The following ATL2 variants were observed in gnomAD, a reference collection of about 807,000 sequenced individuals.
The protein encoded by ATL2 is atlastin GTPase 2, also known as atlastin-2.
A neutral mutation model predicts 73.9 loss-of-function variants in ATL2; 31 were observed. That is an observed-to-expected ratio of 0.42 (90% confidence interval 0.32 to 0.57). ATL2 has a LOEUF of 0.57. ATL2 is among the 20% of genes least tolerant of loss of function. The probability of loss-of-function intolerance (pLI) is 0.14; values close to 1 mark genes in which losing one functional copy is unlikely to be tolerated. For missense variants in ATL2, 738 were observed against 702.6 expected (o/e 1.05, Z -0.57); for synonymous variants, 291 against 237.5 (o/e 1.23, Z -2.07).
intron 2 of ATL2, among the ~76,000 whole-genome samples, chr2:38,332,597 C>G (rs552241735): frequency 1.3e-5 from 2 of 152,134 alleles, no homozygotes; most frequent in South Asian, 4.1e-4. Flanking sequence ...AAGTGAATGA[C>G]TTATATGGTA....
chr2:38,301,509 C>T (rs1667190009), intron 9 of ATL2, among the ~76,000 whole-genome samples: 1 of 152,232 alleles, frequency 6.6e-6, no homozygotes, highest in South Asian at 2.1e-4. Flanking sequence ...GAATCACCTA[C>T]ACCACCCCTC....
intron 2 of ATL2, among the ~76,000 whole-genome samples, chr2:38,332,198 T>C (rs1203721429): frequency 6.6e-6 from 1 of 152,040 alleles, no homozygotes; most frequent in Non-Finnish European, 1.5e-5. Context: ...GGGATTCATT[T>C]TGAGATGATG....
intron 9 of ATL2, among the ~76,000 whole-genome samples, chr2:38,306,544 G>A (rs1667457304): frequency 6.6e-6 from 1 of 152,162 alleles, no homozygotes; most frequent in South Asian, 2.1e-4. Flanking sequence ...TCATCACCTA[G>A]GGTCAGGCAG....
At chr2:38,367,722 T>G (rs1309298180) in intron 1 of ATL2, among the ~76,000 whole-genome samples, 1 of 139,834 alleles carries the variant, frequency 7.2e-6, no homozygotes, top group Non-Finnish European at 1.5e-5. Context: ...CACCTCCGCC[T>G]CCAGGGTTCA....
rs1457758101 is a variant in ATL2 at position 38,294,056 on chromosome 2, G to A, written c.*1938C>T. ...AACAGTCCACAGCATTCATAAAACA[G>A]GGTGGCAGAAGAAATAAAAAGACAC... is the stretch of plus-strand genomic sequence containing the variant. On this transcript the variant is annotated 3_prime_UTR_variant, in exon 13 of 13. Coordinates refer to ENST00000378954, the MANE Select transcript of ATL2 (RefSeq NM_001135673.4). 6.6e-6 allele frequency among the ~76,000 whole-genome samples: 1 copy of A among 152,144 alleles called. No homozygotes were observed. The highest frequency in any genetic ancestry group is 1.5e-5 in the Non-Finnish European group (1 of 68,010).
chr2:38,375,981 T>C lies in ATL2; in HGVS notation c.118+1162A>G, dbSNP rs914781888. 2.7e-6 allele frequency: 3 copies of C among 1,101,686 alleles called. No homozygotes were observed. The Admixed American group carries it at 9.9e-5, about 36-fold the overall frequency. 68.2% of individuals were successfully genotyped at this position (1,101,686 alleles called of 1,614,324 possible). ...AAATAAACTTTCCTATTAAAGTGAGTCCTTGTGGTTAACATCATACCAAAA... is the reference window on the plus strand; with the variant it reads ...AAATAAACTTTCCTATTAAAGTGAGCCCTTGTGGTTAACATCATACCAAAA... On this transcript the variant is annotated intron_variant, in intron 1 of 12. Transcript: ENST00000378954.
At chr2:38,313,948 A>C (rs942341015) in intron 6 of ATL2, among the ~76,000 whole-genome samples, 2 of 152,200 alleles carry the variant, frequency 1.3e-5, no homozygotes, top group African/African-American at 4.8e-5. Context: ...TATATATCCA[A>C]AAACGAAGGC....
In ATL2 at chr2:38,341,847, C is replaced by T. The variant is rs147132600; in HGVS notation, c.363+1421G>A. Among the ~76,000 whole-genome samples the T allele has an allele frequency of 1.3e-3, 196 of 152,266 alleles. 2 individuals carry two copies. Among genetic ancestry groups the T allele is most frequent in the African/African-American group, 4.5e-3 (188 of 41,550 alleles). Reference sequence around the variant, plus strand: ...AGAATGTTTACCTTATTTCTTACCTCGAAGAGAATGCACACCCAATTACAA... The same window carrying T: ...AGAATGTTTACCTTATTTCTTACCTTGAAGAGAATGCACACCCAATTACAA... On this transcript the variant is annotated intron_variant, in intron 2 of 12. Coordinates refer to ENST00000378954, the MANE Select transcript of ATL2 (RefSeq NM_001135673.4).
chr2:38,298,220 G>A lies in ATL2; in HGVS notation c.1556C>T (p.Ala519Val). ...GAACTCCCCAGAGTATTTAACATAT[G>A]CCCAAGTACAAAGAAATATCAGTGC... is the stretch of plus-strand genomic sequence containing the variant. ...GLALIFLCTW[A>V]YVKYSGEFRE... The change falls in exon 12 of 13, where the codon GCA becomes GTA. Residue 519 changes from alanine (A) to valine (V), a missense_variant. Coordinates refer to ENST00000378954, the MANE Select transcript of ATL2 (RefSeq NM_001135673.4). The A allele has an allele frequency of 6.2e-7, 1 of 1,614,010 alleles. No homozygotes were observed. Among genetic ancestry groups the A allele is most frequent in the Non-Finnish European group, 8.5e-7 (1 of 1,179,960 alleles).
chr2:38,322,226 A>C (rs1389192215), intron 2 of ATL2, among the ~76,000 whole-genome samples: 6 of 152,042 alleles, frequency 3.9e-5, no homozygotes, highest in African/African-American at 1.2e-4. Context: ...TGAATTTATT[A>C]TTTGTAAAAG....
chr2:38,347,507 C>A (rs1670092125), intron 1 of ATL2, among the ~76,000 whole-genome samples: 1 of 152,174 alleles, frequency 6.6e-6, no homozygotes, highest in African/African-American at 2.4e-5. Context: ...CTTTCCTTAA[C>A]ACTTTAATGA....
chr2:38,369,879 C>T (rs990392045), intron 1 of ATL2, among the ~76,000 whole-genome samples: 3 of 151,342 alleles, frequency 2.0e-5, no homozygotes, highest in African/African-American at 4.9e-5. Flanking sequence ...AAGCCGGGCG[C>T]GGTGGCTCAC....
At chr2:38,318,501 T>C (rs1377201935) in intron 4 of ATL2, 34 bp downstream of exon 4, 24 of 1,479,530 alleles carry the variant, frequency 1.6e-5, no homozygotes, top group Non-Finnish European at 2.2e-5. Flanking sequence ...AATGATTACG[T>C]GAACTGATCG....
At chr2:38,319,981 G>A (rs1050811290) in intron 2 of ATL2, among the ~76,000 whole-genome samples, 5 of 152,016 alleles carry the variant, frequency 3.3e-5, no homozygotes, top group Non-Finnish European at 4.4e-5. Flanking sequence ...TGTGGCATAT[G>A]CCTATAATCC....
intron 1 of ATL2, among the ~76,000 whole-genome samples, chr2:38,362,297 C>A (rs1487313551): frequency 6.6e-6 from 1 of 152,124 alleles, no homozygotes; most frequent in Non-Finnish European, 1.5e-5. Flanking sequence ...TACACATAAC[C>A]CTTCCTTACC....
In ATL2 at chr2:38,295,750, A is replaced by T. The variant is rs1666857046; in HGVS notation, c.*244T>A. On this transcript the variant is annotated 3_prime_UTR_variant, in exon 13 of 13. Transcript: ENST00000378954. ...TTAAGTAAAAAGAAATAAAAGAGTT[A>T]AACATGGCACAAAGGTGCATGATTA... 6.4e-6 allele frequency: 2 copies of T among 314,786 alleles called. No homozygotes were observed. The highest frequency in any genetic ancestry group is 1.9e-4 in the South Asian group (2 of 10,450). 19.5% of individuals were successfully genotyped at this position (314,786 alleles called of 1,614,324 possible).
At chr2:38,325,314 G>T (rs1011441781) in intron 2 of ATL2, among the ~76,000 whole-genome samples, 1 of 152,114 alleles carries the variant, frequency 6.6e-6, no homozygotes, top group Admixed American at 6.5e-5. Context: ...AATCACAAGA[G>T]ACAAACTAAC....
chr2:38,310,471 A>G (rs1558395084), intron 7 of ATL2, 24 bp from the exon 8 acceptor site: 3 of 1,576,226 alleles, frequency 1.9e-6, no homozygotes, highest in Non-Finnish European at 1.7e-6. Flanking sequence ...GAGACAGGTG[A>G]AATTGTAAAC....
At chr2:38,322,537 T>G (rs886654025) in intron 2 of ATL2, among the ~76,000 whole-genome samples, 2 of 152,186 alleles carry the variant, frequency 1.3e-5, no homozygotes, top group African/African-American at 4.8e-5. Flanking sequence ...AAAAAGACAG[T>G]AAAAATAAAT....
Sources: allele counts gnomAD v4.1 joint callset (sites outside exome capture counted in the v4.1 genomes callset), GRCh38; gene constraint gnomAD v4.1.1; transcripts MANE v1.5; gene names NCBI Gene and HGNC (gene_info 2026-07-23, HGNC 2026-07-21).